Variants in SHANK2 observed in about 807,000 individuals in gnomAD.
The protein encoded by SHANK2 is SH3 and multiple ankyrin repeat domains 2, also known as SH3 and multiple ankyrin repeat domains protein 2.
Under a neutral mutation model 133.7 loss-of-function variants are expected in SHANK2, and 43 were observed. The observed-to-expected ratio is 0.32, with a 90% CI of 0.25 to 0.41. The LOEUF (loss-of-function observed/expected upper bound fraction) is 0.41, where lower values mean the gene tolerates loss of function less well. Among genes scored for constraint, SHANK2 ranks in the 10% least tolerant of loss-of-function variants. The pLI is 1.00. For synonymous variants in SHANK2, 1,017 were observed against 952.8 expected (o/e 1.07, Z -1.24); for missense variants, 1,994 against 2,235.8 (o/e 0.89, Z 2.18).
In SHANK2 at chr11:70,473,321, T is replaced by C. The variant is rs2072983664; in HGVS notation, c.5098A>G (p.Arg1700Gly). 1 of 1,613,732 alleles carries C rather than the reference T, an allele frequency of 6.2e-7. No homozygotes were observed. The highest frequency in any genetic ancestry group is 1.1e-5 in the South Asian group (1 of 91,080). ...GGGGCACGTCTTGTTCCTGAGGTCCTGCTTTCATAGTCGGGGGGCCGGCTC... is the reference window on the plus strand; with the variant it reads ...GGGGCACGTCTTGTTCCTGAGGTCCCGCTTTCATAGTCGGGGGGCCGGCTC... ...LQSRPPDYESRTSGTRRAPSP... is the reference protein window; with the variant it reads ...LQSRPPDYESGTSGTRRAPSP... The change falls in exon 26 of 26, where the codon AGG (arginine) becomes GGG (glycine). Residue 1700 changes from arginine (R) to glycine (G), a missense_variant. Arg to Gly is a moderately radical substitution (Grantham distance 125). Coordinates refer to ENST00000601538, the MANE Select transcript of SHANK2 (RefSeq NM_012309.5). The surrounding 1 kb of genome is among the most constrained non-coding windows in gnomAD (Gnocchi z 5.9).
chr11:71,160,952 A>G (rs1953002543), intron 2 of SHANK2, among the ~76,000 whole-genome samples: 1 of 152,252 alleles, frequency 6.6e-6, no homozygotes, highest in Non-Finnish European at 1.5e-5. Context: ...CTCAAAACTG[A>G]AAACTAAGTT....
At chr11:70,778,036 A>G (rs932579164) in intron 14 of SHANK2, among the ~76,000 whole-genome samples, 1 of 152,200 alleles carries the variant, frequency 6.6e-6, no homozygotes, top group Admixed American at 6.5e-5. Flanking sequence ...GGTGCTTTCC[A>G]GTTTGAATTC....
rs1305400106 is a variant in SHANK2, at chr11:70,487,651, G to A, written c.2642C>T (p.Pro881Leu). The A allele has an allele frequency of 4.4e-6, 7 of 1,595,674 alleles. No homozygotes were observed. Among genetic ancestry groups the A allele is most frequent in the Non-Finnish European group, 6.0e-6 (7 of 1,171,156 alleles). Residue 881 changes from proline (P) to leucine (L), a missense_variant, in exon 25 of 26, where the codon CCG (proline) becomes CTG (leucine). Transcript: ENST00000601538. The surrounding 1 kb of genome is among the most constrained non-coding windows in gnomAD (Gnocchi z 5.8). ...AGGGGGGATGTCCTCAGAGGTGTCC[G>A]GCATGGACAGGCTTCTGGTGAACTT... ...MLKFTRSLSM[P>L]DTSEDIPPPP...
intron 11 of SHANK2, among the ~76,000 whole-genome samples, chr11:70,842,146 A>C (rs11820601): frequency 0.038 from 5,774 of 152,292 alleles, 342 homozygotes; most frequent in African/African-American, 0.13. Context: ...CGATATCTGA[A>C]AACTCACCAA....
chr11:70,693,170 G>A (rs1161718469), intron 15 of SHANK2, among the ~76,000 whole-genome samples: 2 of 152,148 alleles, frequency 1.3e-5, no homozygotes, highest in Non-Finnish European at 2.9e-5. Flanking sequence ...CCTGAATAAT[G>A]GCAATGGGCT....
At chr11:70,637,487 C>A (rs2061119551) in intron 17 of SHANK2, among the ~76,000 whole-genome samples, 2 of 152,170 alleles carry the variant, frequency 1.3e-5, no homozygotes, top group African/African-American at 4.8e-5. Flanking sequence ...GTGCAGAATC[C>A]AGGTGCCCAC....
chr11:70,636,238 TGA>T (rs1404896699), intron 17 of SHANK2, among the ~76,000 whole-genome samples: 2 of 152,214 alleles, frequency 1.3e-5, no homozygotes, highest in Non-Finnish European at 2.9e-5. Context: ...AATGTGAGTC[TGA>T]GTGTATGAGC....
At position 70,486,706 on chromosome 11, in the gene SHANK2, G is replaced by A. The variant is rs558548047; in HGVS notation, c.3587C>T (p.Ala1196Val). The A allele has an allele frequency of 2.5e-6, 4 of 1,610,408 alleles. No individual in the cohort carries two copies. The South Asian group carries it at 4.4e-5, about 18-fold the overall frequency. Residue 1196 changes from alanine (A) to valine (V), a missense_variant, in exon 25 of 26, where the codon GCC becomes GTC. By Grantham distance (64) the Ala-to-Val change is moderately conservative. Transcript: ENST00000601538. This position sits in a 1 kb window ranked among gnomAD's most constrained non-coding sequence, Gnocchi z 8.0. ...PAVPSASSGT[A>V]GPGNYVHPLT... The stretch of plus-strand genomic sequence containing the variant: ...TGGGTGGACATAATTCCCGGGGCCG[G>A]CTGTGCCGCTGCTCGCGGAGGGCAC...
chr11:71,118,872 C>T lies in SHANK2; in HGVS notation c.368G>A (p.Arg123His), dbSNP rs561592558. The T allele has an allele frequency of 3.9e-6, 6 of 1,551,640 alleles. No homozygotes were observed. The highest frequency in any genetic ancestry group is 1.4e-5 in the African/African-American group (1 of 73,174). Residue 123 changes from arginine (R) to histidine (H), a missense_variant, in exon 4 of 26, where the codon CGC (arginine) becomes CAC (histidine). By Grantham distance (29) the Arg-to-His change is conservative. Coordinates refer to ENST00000601538, the MANE Select transcript of SHANK2 (RefSeq NM_012309.5). Reference protein sequence around the residue: ...GKFLDEERLLREYPQPVGEGV... With the variant: ...GKFLDEERLLHEYPQPVGEGV... The stretch of plus-strand genomic sequence containing the variant: ...CTCACCCACGGGCTGTGGGTACTCG[C>T]GCAGGAGCCGCTCCTCATCCAGGAA...
At chr11:70,809,689 TCA>T (rs781985318) in intron 12 of SHANK2, among the ~76,000 whole-genome samples, 1 of 152,198 alleles carries the variant, frequency 6.6e-6, no homozygotes, top group East Asian at 1.9e-4. Context: ...GCCTGAATAC[TCA>T]GTCTGTCTGC....
chr11:70,826,450 G>C (rs1273958529), intron 11 of SHANK2: 3 of 470,706 alleles, frequency 6.4e-6, no homozygotes, highest in Non-Finnish European at 1.3e-5. Context: ...CCCGGCTCCC[G>C]ACAGCTTTTT....
At chr11:70,732,681 C>G (rs573363058) in intron 14 of SHANK2, among the ~76,000 whole-genome samples, 2 of 152,348 alleles carry the variant, frequency 1.3e-5, no homozygotes, top group South Asian at 4.1e-4. Flanking sequence ...CTGCAGTGCC[C>G]CAGCCCATGC....
intron 8 of SHANK2, among the ~76,000 whole-genome samples, chr11:71,085,461 TATATATATATATAATATATATGTTATATA>T (rs1951365741): frequency 7.8e-6 from 1 of 127,612 alleles, no homozygotes; most frequent in Non-Finnish European, 1.6e-5. Context: ...ATCTTAAATA[TATATATATATATAATATATATGTTATATA>T]ATATATAATA....
chr11:70,553,498 C>T (rs868934182), intron 17 of SHANK2, among the ~76,000 whole-genome samples: 1 of 152,222 alleles, frequency 6.6e-6, no homozygotes, highest in African/African-American at 2.4e-5. Flanking sequence ...CACAACTCAG[C>T]TGTGACGATC....
rs376808144 is a variant in SHANK2, at chr11:71,148,911, G to A, written c.-12-1573C>T. Among the ~76,000 whole-genome samples the A allele has an allele frequency of 7.2e-5, 11 of 152,258 alleles. No individual in the cohort carries two copies. The East Asian group carries it at 1.2e-3, about 16-fold the overall frequency. On this transcript the variant is annotated intron_variant, in intron 2 of 25. Coordinates refer to ENST00000601538, the MANE Select transcript of SHANK2 (RefSeq NM_012309.5). ...TTTCACCGTGCGTAACGGCACAGAA[G>A]CAGTCAACTGGAAAGGCACATGCCC...
At chr11:70,556,995 A>G (rs2059840611) in intron 17 of SHANK2, among the ~76,000 whole-genome samples, 1 of 151,962 alleles carries the variant, frequency 6.6e-6, no homozygotes, top group Admixed American at 6.6e-5. Context: ...AGGTGCTGGG[A>G]TTATAGGCAT....
At chr11:70,576,731 G>A (rs1252667584) in intron 17 of SHANK2, among the ~76,000 whole-genome samples, 6 of 152,176 alleles carry the variant, frequency 3.9e-5, no homozygotes, top group African/African-American at 1.4e-4. Flanking sequence ...CAGGGCCTCC[G>A]TTTCCCCATC....
At chr11:70,729,327 A>C (rs1946235386) in intron 14 of SHANK2, among the ~76,000 whole-genome samples, 1 of 152,128 alleles carries the variant, frequency 6.6e-6, no homozygotes, top group Admixed American at 6.5e-5. Flanking sequence ...ACATGTCCAG[A>C]TACACATGTC....
intron 2 of SHANK2, among the ~76,000 whole-genome samples, chr11:71,195,658 A>T (rs1328619674): frequency 6.6e-6 from 1 of 152,226 alleles, no homozygotes; most frequent in Non-Finnish European, 1.5e-5. Flanking sequence ...TCAGAGGCCC[A>T]CTCTTAAAGG....
Sources: gnomAD v4.1 joint callset for allele counts (sites outside exome capture counted in the v4.1 genomes callset) on GRCh38, gnomAD v4.1.1 for gene constraint, Gnocchi (gnomAD v3.1) non-coding constraint, MANE v1.5 for transcripts, NCBI Gene and HGNC (gene_info 2026-07-23, HGNC 2026-07-21) for gene names.